Variants in CUBN observed in about 807,000 individuals in gnomAD.
CUBN encodes the protein cubilin, also known as 460 kDa receptor.
A neutral mutation model predicts 405.3 loss-of-function variants in CUBN; 282 were observed. That is an observed-to-expected ratio of 0.70 (90% CI 0.63 to 0.77). CUBN has a LOEUF of 0.77. Among genes scored for constraint, CUBN ranks in the 30% least tolerant of loss-of-function variants. The probability of loss-of-function intolerance (pLI) is 0.00; values close to 1 mark genes in which losing one functional copy is unlikely to be tolerated. For missense variants in CUBN, 4,514 were observed against 4,475.2 expected (o/e 1.01, Z -0.25); for synonymous variants, 1,684 against 1,617.0 (o/e 1.04, Z -0.99).
chr10:16,907,535 C>T lies in CUBN; in HGVS notation c.7678G>A (p.Ala2560Thr). Residue 2560 changes from alanine to threonine, a missense_variant, in exon 49 of 67, where the codon GCT (alanine) becomes ACT (threonine). Ala to Thr is a moderately conservative substitution (Grantham distance 58). Around this residue, in one of 5 missense-constraint regions of CUBN, gnomAD observed 1,613 missense variants for 1,542.8 expected, o/e 1.05. Coordinates refer to ENST00000377833, the MANE Select transcript of CUBN (RefSeq NM_001081.4). ...GCATCTTCACTGGAGGTATAGGAAG[C>T]AGTGAAGCCGCCATATGGCCTGGAT... Reference protein sequence around the residue: ...DGSRPYGGFTASYTSSEDAVC... With the variant: ...DGSRPYGGFTTSYTSSEDAVC... 3.7e-6 allele frequency: 6 copies of T among 1,614,098 alleles called. No individual in the cohort carries two copies. The highest frequency in any genetic ancestry group is 5.1e-6 in the Non-Finnish European group (6 of 1,180,028).
At chr10:16,892,992 G>C (rs912283248) in intron 54 of CUBN, among the ~76,000 whole-genome samples, 1 of 152,138 alleles carries the variant, frequency 6.6e-6, no homozygotes, top group Non-Finnish European at 1.5e-5. Context: ...TGATAATGGT[G>C]ATGACAATGG....
At chr10:16,924,061 C>A (rs1430796374) in intron 43 of CUBN, among the ~76,000 whole-genome samples, 20 of 151,980 alleles carry the variant, frequency 1.3e-4, no homozygotes, top group Admixed American at 1.2e-3. Context: ...ACAGAGAGAC[C>A]CTGTCTCAAG....
intron 13 of CUBN, among the ~76,000 whole-genome samples, chr10:17,102,025 T>C (rs1025289028): frequency 6.6e-6 from 1 of 152,120 alleles, no homozygotes; most frequent in African/African-American, 2.4e-5. Context: ...TAAGCAACCA[T>C]CTTCTAAAAT....
chr10:17,109,417 T>C (rs992057356), intron 10 of CUBN, among the ~76,000 whole-genome samples: 5 of 152,168 alleles, frequency 3.3e-5, no homozygotes, highest in African/African-American at 1.2e-4. Flanking sequence ...ATTAATTAAC[T>C]GGCTTAATTA....
intron 36 of CUBN, among the ~76,000 whole-genome samples, chr10:16,941,127 C>G (rs1167551583): frequency 6.6e-6 from 1 of 152,110 alleles, no homozygotes; most frequent in Admixed American, 6.5e-5. Flanking sequence ...ACATGAGCTA[C>G]TCAAGATAAA....
intron 31 of CUBN, among the ~76,000 whole-genome samples, chr10:16,968,070 T>C (rs1843453227): frequency 6.6e-6 from 1 of 152,152 alleles, no homozygotes; most frequent in Non-Finnish European, 1.5e-5. Context: ...GATTTGTTTG[T>C]AAAACAGTAA....
chr10:16,892,283 A>G (rs375837790), intron 54 of CUBN, among the ~76,000 whole-genome samples: 26 of 152,268 alleles, frequency 1.7e-4, no homozygotes, highest in African/African-American at 5.8e-4. Context: ...CGCTGGACCT[A>G]CTGAGAACAA....
rs41301097 is a variant in CUBN at position 16,915,037 on chromosome 10, A to C, written c.7346T>G (p.Met2449Arg). ...SGFRLRFESS[M>R]EECGGDLQGS... is the part of the protein sequence containing the mutation. Reference sequence around the variant, plus strand: ...GAATGAATCAATGAACTCACCTTCCATACTGGATTCAAATCGCAGTCTGAA... The same window carrying C: ...GAATGAATCAATGAACTCACCTTCCCTACTGGATTCAAATCGCAGTCTGAA... Residue 2449 changes from methionine to arginine, a missense_variant, in exon 47 of 67, where the codon ATG (methionine) becomes AGG (arginine). Transcript: ENST00000377833. 1.9e-4 allele frequency: 305 copies of C among 1,613,832 alleles called. No homozygotes were observed. In the African/African-American group the frequency reaches 3.3e-3, roughly 17 times the overall value.
chr10:16,890,415 G>A lies in CUBN; in HGVS notation c.8711C>T (p.Ser2904Phe), dbSNP rs1588623068. The A allele has an allele frequency of 1.2e-6, 2 of 1,614,032 alleles. No individual in the cohort carries two copies. The highest frequency in any genetic ancestry group is 1.7e-6 in the Non-Finnish European group (2 of 1,180,034). The change falls in exon 55 of 67, where the codon TCT (serine) becomes TTT (phenylalanine). Residue 2904 changes from serine (S) to phenylalanine (F), a missense_variant. Transcript: ENST00000377833. ...GAAGCCCTGAGCTGGTGCCTCCTGAGACTGGAAGACGGCAGTGAATGTGTT... is the reference window on the plus strand; with the variant it reads ...GAAGCCCTGAGCTGGTGCCTCCTGAAACTGGAAGACGGCAGTGAATGTGTT... ...PSNTFTAVFQ[S>F]QEAPAQGFSA...
At chr10:16,935,074 G>C (rs1391521248) in intron 39 of CUBN, among the ~76,000 whole-genome samples, 1 of 152,102 alleles carries the variant, frequency 6.6e-6, no homozygotes, top group African/African-American at 2.4e-5. Context: ...GTTACCATTT[G>C]CTTTGTCATG....
At chr10:17,059,725 C>T (rs1835462480) in intron 22 of CUBN, among the ~76,000 whole-genome samples, 1 of 152,202 alleles carries the variant, frequency 6.6e-6, no homozygotes, top group Non-Finnish European at 1.5e-5. Context: ...CTCAATCAAA[C>T]TCAACATTTT....
chr10:16,856,024 T>C (rs139673772), intron 59 of CUBN, among the ~76,000 whole-genome samples: 163 of 152,300 alleles, frequency 1.1e-3, no homozygotes, highest in African/African-American at 3.8e-3. Context: ...AAGGAGCTAT[T>C]GCCACATTGC....
Position 16,907,507 on chromosome 10 carries a change from C to T in CUBN, c.7705+1G>A. The T allele has an allele frequency of 1.9e-6, 3 of 1,614,106 alleles. No individual in the cohort carries two copies. The highest frequency in any genetic ancestry group is 2.5e-6 in the Non-Finnish European group (3 of 1,180,004). ...GGGGCATTTACAACATCCTACATTA[C>T]CTGCATCTTCACTGGAGGTATAGGA... On this transcript the variant is annotated splice_donor_variant, in intron 49 of 66. Transcript: ENST00000377833. LOFTEE classifies it high-confidence loss of function.
At position 17,099,991 on chromosome 10, in the gene CUBN, A is replaced by G. The variant is rs1321236815; in HGVS notation, c.1765+14T>C. 6.3e-7 allele frequency: 1 copy of G among 1,590,766 alleles called. No individual in the cohort carries two copies. Among genetic ancestry groups the G allele is most frequent in the Non-Finnish European group, 8.6e-7 (1 of 1,158,918 alleles). On this transcript the variant is annotated intron_variant, in intron 14 of 66. Coordinates refer to ENST00000377833, the MANE Select transcript of CUBN (RefSeq NM_001081.4). Reference sequence around the variant, plus strand: ...CAAAATTTTGCTTGCTTTTTTCTCCAGGTTCACACATACCTGGTTGCTGTG... The same window carrying G: ...CAAAATTTTGCTTGCTTTTTTCTCCGGGTTCACACATACCTGGTTGCTGTG...
At chr10:16,907,138 C>A (rs1221892097) in intron 49 of CUBN, among the ~76,000 whole-genome samples, 2 of 152,120 alleles carry the variant, frequency 1.3e-5, no homozygotes, top group Non-Finnish European at 1.5e-5. Context: ...CTGTCCCCAG[C>A]AAAATTAATT....
intron 27 of CUBN, chr10:17,023,481 C>A: frequency 5.3e-6 from 2 of 379,098 alleles, no homozygotes; most frequent in Non-Finnish European, 1.1e-5. Flanking sequence ...CTCTACAATT[C>A]ATTCCCGCGC....
chr10:16,825,391 G>A lies in CUBN; in HGVS notation c.10765-309C>T, dbSNP rs527476982. ...TGGCCGCACAGCTCTGTGAACCTAC[G>A]AAAAACCACTGAATTGTATACTTTA... On this transcript the variant is annotated intron_variant, in intron 66 of 66. Transcript: ENST00000377833. Among the ~76,000 whole-genome samples, 29 of 152,176 alleles carry A rather than the reference G, an allele frequency of 1.9e-4. No individual in the cohort carries two copies. The South Asian group carries it at 2.5e-3, about 13-fold the overall frequency.
rs191835973 is a variant in CUBN, at chr10:17,103,193, T to A, written c.1462A>T (p.Arg488Trp). 4 of 1,613,954 alleles carry A rather than the reference T, an allele frequency of 2.5e-6. No individual in the cohort carries two copies. In the East Asian group the frequency reaches 6.7e-5, roughly 27 times the overall value. The part of the protein sequence containing the change: ...LSGINGSFSY[R>W]SPDVGYVHDV... ...TGAACATAACCAACATCCGGGCTCC[T>A]GTAGCTGAAGCTTCCATTTATTCCT... The change falls in exon 13 of 67, where the codon AGG becomes TGG. Residue 488 changes from arginine to tryptophan, a missense_variant. Around this residue, in one of 5 missense-constraint regions of CUBN, gnomAD observed 1,448 missense variants for 1,388.0 expected, o/e 1.04. Coordinates refer to ENST00000377833, the MANE Select transcript of CUBN (RefSeq NM_001081.4).
At chr10:16,989,389 T>C (rs1288324990) in intron 29 of CUBN, among the ~76,000 whole-genome samples, 1 of 148,326 alleles carries the variant, frequency 6.7e-6, no homozygotes, top group East Asian at 1.9e-4. Flanking sequence ...TATTAATTAT[T>C]ATAATTTATA....
Sources: allele counts gnomAD v4.1 joint callset (sites outside exome capture counted in the v4.1 genomes callset), GRCh38; gene constraint gnomAD v4.1.1; regional missense constraint gnomAD v4.1.1; transcripts MANE v1.5; gene names NCBI Gene and HGNC (gene_info 2026-07-23, HGNC 2026-07-21).